SDK1: variants seen among roughly 807,000 people sequenced by gnomAD.
SDK1 encodes the protein sidekick cell adhesion molecule 1, also known as protein sidekick-1.
SDK1 carries 157 observed loss-of-function variants against 245.5 expected under a neutral mutation model. The ratio of observed to expected loss-of-function variants is 0.64; its 90% CI spans 0.56 to 0.73. The LOEUF is 0.73. Ranked by LOEUF, SDK1 falls within the 30% of genes least tolerant of loss-of-function variation. The pLI, the probability that SDK1 is intolerant of heterozygous loss-of-function variation, is 0.00. For missense variants in SDK1, 3,583 were observed against 3,002.3 expected (o/e 1.19, Z -4.52); for synonymous variants, 1,647 against 1,278.5 (o/e 1.29, Z -6.15).
At chr7:3,526,486 T>C (rs1453454256) in intron 1 of SDK1, among the ~76,000 whole-genome samples, 2 of 152,260 alleles carry the variant, frequency 1.3e-5, no homozygotes, top group Non-Finnish European at 2.9e-5. Context: ...AGTTTCCATG[T>C]ATAAAGTAAT....
chr7:4,022,927 A>G lies in SDK1; in HGVS notation c.2602+5575A>G, dbSNP rs111357401. ...TAGCTGGGACCACAGGCGCCCGCCA[A>G]CATGCCCCGCTAATTTTTTTTGTAT... is the stretch of plus-strand genomic sequence containing the variant. On this transcript the variant is annotated intron_variant, in intron 17 of 44. Transcript: ENST00000404826. Among the ~76,000 whole-genome samples, 1,226 of 151,944 alleles carry G rather than the reference A, an allele frequency of 8.1e-3. 14 individuals carry two copies. The highest frequency in any genetic ancestry group is 0.028 in the African/African-American group (1,160 of 41,446).
intron 44 of SDK1, among the ~76,000 whole-genome samples, chr7:4,254,187 T>C (rs1232548720): frequency 6.8e-6 from 1 of 146,210 alleles, no homozygotes; most frequent in African/African-American, 2.7e-5. Flanking sequence ...TTGAGTGTTT[T>C]TGTTTTTGTT....
intron 5 of SDK1, among the ~76,000 whole-genome samples, chr7:3,899,220 A>T (rs1370091277): frequency 6.6e-6 from 1 of 152,176 alleles, no homozygotes; most frequent in Admixed American, 6.5e-5. Flanking sequence ...TTCTTAATAT[A>T]TGAGTATGTA....
At chr7:4,164,410 G>C (rs1400515777) in intron 32 of SDK1, among the ~76,000 whole-genome samples, 1 of 152,116 alleles carries the variant, frequency 6.6e-6, no homozygotes, top group Non-Finnish European at 1.5e-5. Context: ...TAGACCCCCA[G>C]ACCCGAGCTT....
chr7:3,506,079 A>C (rs775576872), intron 1 of SDK1, among the ~76,000 whole-genome samples: 1 of 151,924 alleles, frequency 6.6e-6, no homozygotes, highest in Non-Finnish European at 1.5e-5. Flanking sequence ...CATATTCTTT[A>C]TTTCTTTTTG....
At chr7:3,687,978 C>T (rs1194587313) in intron 4 of SDK1, among the ~76,000 whole-genome samples, 1 of 152,028 alleles carries the variant, frequency 6.6e-6, no homozygotes. Flanking sequence ...AACATGGCAC[C>T]CTCAAAGATT....
At chr7:4,194,543 A>C (rs1246333517) in intron 35 of SDK1, among the ~76,000 whole-genome samples, 2 of 152,098 alleles carry the variant, frequency 1.3e-5, no homozygotes, top group Non-Finnish European at 2.9e-5. Context: ...ACAATAGGCT[A>C]TCTGCAAGCT....
chr7:3,770,989 G>A (rs745465239), intron 4 of SDK1, among the ~76,000 whole-genome samples: 6 of 152,262 alleles, frequency 3.9e-5, no homozygotes, highest in Non-Finnish European at 7.4e-5. Context: ...TGTTGCTCAT[G>A]AGCCTCTGAA....
At chr7:3,531,627 C>T (rs912693911) in intron 1 of SDK1, among the ~76,000 whole-genome samples, 2 of 152,124 alleles carry the variant, frequency 1.3e-5, no homozygotes, top group African/African-American at 2.4e-5. Flanking sequence ...TCATTATTTG[C>T]TATCAGCCAT....
intron 4 of SDK1, among the ~76,000 whole-genome samples, chr7:3,791,145 A>T (rs1583417109): frequency 6.6e-6 from 1 of 151,962 alleles, no homozygotes; most frequent in African/African-American, 2.4e-5. Context: ...AATATTACAT[A>T]AGTGGTAGTT....
intron 4 of SDK1, among the ~76,000 whole-genome samples, chr7:3,737,369 GC>G (rs1779345571): frequency 6.6e-6 from 1 of 152,226 alleles, no homozygotes; most frequent in African/African-American, 2.4e-5. Flanking sequence ...CCTGGGTGGT[GC>G]AGGGGGGCGT....
chr7:4,083,644 C>T (rs1226724410), intron 22 of SDK1, among the ~76,000 whole-genome samples: 10 of 90,170 alleles, frequency 1.1e-4, no homozygotes, highest in African/African-American at 4.2e-4. Context: ...TTCCTTCCTT[C>T]CTTCCTCCAC....
At chr7:3,413,151 G>C (rs1779259370) in intron 1 of SDK1, among the ~76,000 whole-genome samples, 1 of 152,164 alleles carries the variant, frequency 6.6e-6, no homozygotes, top group African/African-American at 2.4e-5. Flanking sequence ...ATGTAAAGGA[G>C]CCAGAAATGT....
chr7:4,116,152 G>A (rs890588540), intron 25 of SDK1, among the ~76,000 whole-genome samples: 21 of 152,160 alleles, frequency 1.4e-4, no homozygotes, highest in African/African-American at 4.6e-4. Flanking sequence ...GCCGAGGTGG[G>A]AGGGCAGCCT....
chr7:3,667,678 C>CT (rs1333582536), intron 4 of SDK1, among the ~76,000 whole-genome samples: 14 of 152,332 alleles, frequency 9.2e-5, no homozygotes, highest in Non-Finnish European at 1.0e-4. Flanking sequence ...TCTAAAATAT[C>CT]TTATGAATGG....
At chr7:3,312,600 C>T (rs1051820726) in intron 1 of SDK1, among the ~76,000 whole-genome samples, 1 of 150,948 alleles carries the variant, frequency 6.6e-6, no homozygotes, top group African/African-American at 2.4e-5. Context: ...CCTCAATGGA[C>T]AGGTTAAAGA....
intron 7 of SDK1, among the ~76,000 whole-genome samples, chr7:3,954,068 A>C (rs538430848): frequency 1.2e-3 from 181 of 151,890 alleles, no homozygotes; most frequent in African/African-American, 4.3e-3. Context: ...GGCTCCTATT[A>C]CTTGTATTTT....
At chr7:3,838,223 C>T (rs187096785) in intron 5 of SDK1, among the ~76,000 whole-genome samples, 1 of 152,328 alleles carries the variant, frequency 6.6e-6, no homozygotes, top group East Asian at 1.9e-4. Flanking sequence ...CGGATTAATT[C>T]ATCAGTTATG....
chr7:3,660,939 T>C (rs1348759319), intron 4 of SDK1, among the ~76,000 whole-genome samples: 1 of 152,240 alleles, frequency 6.6e-6, no homozygotes, highest in Non-Finnish European at 1.5e-5. Flanking sequence ...TATACTTTAA[T>C]AGTCAGGGTC....
Sources: allele counts gnomAD v4.1 joint callset (sites outside exome capture counted in the v4.1 genomes callset), GRCh38; gene constraint gnomAD v4.1.1; transcripts MANE v1.5; gene names NCBI Gene and HGNC (gene_info 2026-07-23, HGNC 2026-07-21).